RBL2: variants seen among roughly 807,000 people sequenced by gnomAD.
The protein encoded by RBL2 is RB transcriptional corepressor like 2.
A neutral mutation model predicts 126.0 loss-of-function variants in RBL2; 56 were observed. That is an observed-to-expected ratio of 0.44 (90% CI 0.36 to 0.56). The LOEUF (loss-of-function observed/expected upper bound fraction) is 0.56. Ranked by LOEUF, RBL2 falls within the 20% of genes least tolerant of loss-of-function variation. The pLI, the probability that RBL2 is intolerant of heterozygous loss-of-function variation, is 0.00. For missense variants in RBL2, 1,229 were observed against 1,398.2 expected, an observed-to-expected ratio of 0.88 and a Z score of 1.93; for synonymous variants, 454 against 478.5, an observed-to-expected ratio of 0.95 and a Z score of 0.67.
intron 1 of RBL2, chr16:53,435,887 CT>C: frequency 1.2e-6 from 1 of 816,400 alleles, no homozygotes; most frequent in Non-Finnish European, 1.7e-6. Flanking sequence ...TGTATGGTGG[CT>C]TTAGAACCCG....
chr16:53,481,987 T>G (rs1960971518), intron 21 of RBL2, 152 bp downstream of exon 21: 1 of 945,648 alleles, frequency 1.1e-6, no homozygotes, highest in Non-Finnish European at 1.6e-6. Flanking sequence ...ACCCAGGGTT[T>G]GTTTTGTTTT....
chr16:53,465,872 TA>T (rs1598113088), intron 13 of RBL2: 1 of 250,956 alleles, frequency 4.0e-6, no homozygotes, highest in East Asian at 8.0e-5. Context: ...TGGGGAAAAA[TA>T]AAAGACTTAT....
At chr16:53,467,223 A>G in intron 14 of RBL2, 54 bp downstream of exon 14, 2 of 1,405,078 alleles carry the variant, frequency 1.4e-6, no homozygotes, top group African/African-American at 1.4e-5. Flanking sequence ...GGAAATTTAA[A>G]TTTCATCTAA....
chr16:53,448,239 C>A (rs1446955099), intron 4 of RBL2, among the ~76,000 whole-genome samples: 1 of 151,846 alleles, frequency 6.6e-6, no homozygotes, highest in African/African-American at 2.4e-5. Context: ...CCCACTGCAA[C>A]CTCTGCTGCC....
At chr16:53,467,240 A>C in intron 14 of RBL2, 71 bp downstream of exon 14, 2 of 1,257,910 alleles carry the variant, frequency 1.6e-6, no homozygotes, top group Admixed American at 3.6e-5. Context: ...CTAACCCTAC[A>C]AGTGAAGTTA....
In RBL2 at chr16:53,454,823, T is replaced by G; in HGVS notation, c.1160T>G (p.Leu387Ter). ...GAAAGGGTGCAGATGAAAAACATCT[T>G]ACAGCAGCATTTTGACAAGGTGAGT... is the stretch of plus-strand genomic sequence containing the variant. The part of the protein sequence containing the change: ...TAERVQMKNI[L>*]QQHFDKSKAL... Residue 387 changes from leucine (L) to a stop codon, truncating the protein, a stop_gained, in exon 8 of 22, where the codon TTA becomes TGA. Transcript: ENST00000262133. LOFTEE classifies it high-confidence loss of function. 6.2e-7 allele frequency: 1 copy of G among 1,610,218 alleles called. No homozygotes were observed. The highest frequency in any genetic ancestry group is 8.5e-7 in the Non-Finnish European group (1 of 1,177,614).
intron 21 of RBL2, among the ~76,000 whole-genome samples, chr16:53,484,051 A>T (rs1961062486): frequency 6.6e-6 from 1 of 152,200 alleles, no homozygotes; most frequent in Non-Finnish European, 1.5e-5. Flanking sequence ...TATTTAAAAG[A>T]TATACTTTCT....
intron 3 of RBL2, among the ~76,000 whole-genome samples, chr16:53,445,323 T>A (rs2058051583): frequency 9.0e-6 from 1 of 110,628 alleles, no homozygotes. Flanking sequence ...CAAGACCTTG[T>A]CTCAAAAAAA....
In RBL2 at chr16:53,453,583, C is replaced by T. The variant is rs1011925319; in HGVS notation, c.898C>T (p.Pro300Ser). ...AKGIKEHFWK[P>S]YIRKLYEKKL... The stretch of plus-strand genomic sequence containing the variant: ...GGGGATAAAGGAACATTTCTGGAAA[C>T]CCTATATTAGGAAACTTTATGAAAA... The change falls in exon 6 of 22, where the codon CCC becomes TCC. Residue 300 changes from proline (P) to serine (S), a missense_variant. This residue lies in a region of RBL2 where 1,070 missense variants were observed against 1,274.3 expected (regional missense o/e 0.84). Coordinates refer to ENST00000262133, the MANE Select transcript of RBL2 (RefSeq NM_005611.4). The T allele has an allele frequency of 6.2e-7, 1 of 1,611,938 alleles. No individual in the cohort carries two copies.
chr16:53,470,720 A>G lies in RBL2; in HGVS notation c.2527-26A>G, dbSNP rs1029793463. 8 of 1,612,380 alleles carry G rather than the reference A, an allele frequency of 5.0e-6. No individual in the cohort carries two copies. In the Admixed American group the frequency reaches 6.7e-5, roughly 13 times the overall value. On this transcript the variant is annotated intron_variant, in intron 16 of 21. Coordinates refer to ENST00000262133, the MANE Select transcript of RBL2 (RefSeq NM_005611.4). The stretch of plus-strand genomic sequence containing the variant: ...GCTTGGGAAATACAAGTGTTAAACA[A>G]AGTTTGAAATGTTTTTATCTCCTAG...
chr16:53,434,676 G>T lies in RBL2; in HGVS notation c.120G>T (p.Ser40=), dbSNP rs1318794103. 2 of 1,572,216 alleles carry T rather than the reference G, an allele frequency of 1.3e-6. No homozygotes were observed. The highest frequency in any genetic ancestry group is 2.7e-5 in the African/African-American group (2 of 73,656). The change falls in exon 1 of 22, where the codon TCG becomes TCT. Residue 40 remains serine, a synonymous_variant. Transcript: ENST00000262133. ...EAEDAAPPAE[S]PTPQIQQRFD... Reference sequence around the variant, plus strand: ...AAGACGCCGCGCCGCCTGCCGAGTCGCCCACCCCTCAGATCCAGCAGCGGT... The same window carrying T: ...AAGACGCCGCGCCGCCTGCCGAGTCTCCCACCCCTCAGATCCAGCAGCGGT...
chr16:53,483,408 T>G (rs1413784025), intron 21 of RBL2, among the ~76,000 whole-genome samples: 1 of 152,076 alleles, frequency 6.6e-6, no homozygotes, highest in Admixed American at 6.5e-5. Flanking sequence ...AAATAAAAAT[T>G]AGCTGAGCAT....
rs2058199723 is a variant in RBL2 at position 53,459,532 on chromosome 16, A to G, written c.1261A>G (p.Thr421Ala). The change falls in exon 9 of 22, where the codon ACA (threonine) becomes GCA (alanine). Residue 421 changes from threonine to alanine, a missense_variant. By Grantham distance (58) the Thr-to-Ala change is moderately conservative (BLOSUM62 0). This residue lies in a region of RBL2 where 1,070 missense variants were observed against 1,274.3 expected (regional missense o/e 0.84). Coordinates refer to ENST00000262133, the MANE Select transcript of RBL2 (RefSeq NM_005611.4). Reference protein sequence around the residue: ...ENSPCVTPVSTATHSLSRLHT... With the variant: ...ENSPCVTPVSAATHSLSRLHT... ...TAGCCCTTGTGTGACTCCAGTTTCTACAGCTACGCATAGCTTGAGTCGTCT... is the reference window on the plus strand; with the variant it reads ...TAGCCCTTGTGTGACTCCAGTTTCTGCAGCTACGCATAGCTTGAGTCGTCT... The G allele has an allele frequency of 6.2e-7, 1 of 1,612,238 alleles. No homozygotes were observed. Among genetic ancestry groups the G allele is most frequent in the Non-Finnish European group, 8.5e-7 (1 of 1,179,372 alleles).
At chr16:53,464,683 CTTTT>C (rs1427040093) in intron 12 of RBL2, 2 of 187,470 alleles carry the variant, frequency 1.1e-5, no homozygotes, top group Admixed American at 6.1e-5. Context: ...GTATAGCAGC[CTTTT>C]TTTATTTTAT....
chr16:53,452,352 C>G (rs2058123869), intron 5 of RBL2, among the ~76,000 whole-genome samples: 1 of 152,102 alleles, frequency 6.6e-6, no homozygotes, highest in Non-Finnish European at 1.5e-5. Flanking sequence ...TAAACAGTTA[C>G]AAGCCCAAAT....
At chr16:53,473,493 CTT>C (rs1420093777) in intron 17 of RBL2, among the ~76,000 whole-genome samples, 1 of 149,890 alleles carries the variant, frequency 6.7e-6, no homozygotes, top group Non-Finnish European at 1.5e-5. Context: ...TAGAAAAACA[CTT>C]TTGTATATTG....
chr16:53,488,663 T>C (rs1397336605), intron 21 of RBL2: 1 of 152,198 alleles, frequency 6.6e-6, no homozygotes, highest in African/African-American at 2.4e-5. Context: ...AAAATAATTA[T>C]CAAATACTAT....
At chr16:53,457,952 G>T (rs188412362) in intron 8 of RBL2, among the ~76,000 whole-genome samples, 35 of 152,270 alleles carry the variant, frequency 2.3e-4, no homozygotes, top group Admixed American at 6.5e-5. Flanking sequence ...TTCCCTCCCA[G>T]TGCCTCCCAA....
intron 3 of RBL2, among the ~76,000 whole-genome samples, chr16:53,444,350 C>G (rs897277195): frequency 6.6e-6 from 1 of 151,488 alleles, no homozygotes; most frequent in African/African-American, 2.4e-5. Flanking sequence ...GTCGGGAGTT[C>G]GAGACCAGCC....
Sources: allele counts gnomAD v4.1 joint callset (sites outside exome capture counted in the v4.1 genomes callset), GRCh38; gene constraint gnomAD v4.1.1; regional missense constraint gnomAD v4.1.1; transcripts MANE v1.5; gene names NCBI Gene and HGNC (gene_info 2026-07-23, HGNC 2026-07-21).